HPSE2: variants seen among roughly 807,000 people sequenced by gnomAD.
The protein encoded by HPSE2 is heparanase 2 (inactive), also known as inactive heparanase-2.
A neutral mutation model predicts 60.5 loss-of-function variants in HPSE2; 38 were observed. That is an observed-to-expected ratio of 0.63 (90% CI 0.48 to 0.82). The LOEUF is 0.82. HPSE2 is among the 40% of genes least tolerant of loss of function. HPSE2 has a pLI of 0.00. For missense variants in HPSE2, 713 were observed against 740.4 expected, an observed-to-expected ratio of 0.96 and a Z score of 0.43; for synonymous variants, 295 against 293.2, an observed-to-expected ratio of 1.01 and a Z score of -0.06.
chr10:99,083,599 A>T (rs1461818931), intron 3 of HPSE2, among the ~76,000 whole-genome samples: 1 of 152,198 alleles, frequency 6.6e-6, no homozygotes, highest in African/African-American at 2.4e-5. Flanking sequence ...ATTTTATATG[A>T]CATGGTACCC....
chr10:98,959,107 C>G (rs969802810), intron 3 of HPSE2, among the ~76,000 whole-genome samples: 3 of 152,040 alleles, frequency 2.0e-5, no homozygotes, highest in East Asian at 1.9e-4. Flanking sequence ...AATATATTTA[C>G]TATTATTCCA....
In HPSE2 at chr10:98,988,918, G is replaced by C. The variant is rs1252108391; in HGVS notation, c.610+155320C>G. Among the ~76,000 whole-genome samples, 294 of 141,718 alleles carry C rather than the reference G, an allele frequency of 2.1e-3. 8 individuals are homozygous for C. Among genetic ancestry groups the C allele is most frequent in the Non-Finnish European group, 6.3e-4 (41 of 64,580 alleles). 93.0% of individuals were successfully genotyped at this position (141,718 alleles called of 152,430 possible). On this transcript the variant is annotated intron_variant, in intron 3 of 11. Coordinates refer to ENST00000370552, the MANE Select transcript of HPSE2 (RefSeq NM_021828.5). ...AAATGCTCATCATCTCTGGCCATCAGAGAAATGCAAATCAAAACCACAATG... is the reference window on the plus strand; with the variant it reads ...AAATGCTCATCATCTCTGGCCATCACAGAAATGCAAATCAAAACCACAATG...
chr10:98,746,436 A>G (rs1167014858), intron 3 of HPSE2, among the ~76,000 whole-genome samples: 1 of 151,982 alleles, frequency 6.6e-6, no homozygotes, highest in Non-Finnish European at 1.5e-5. Flanking sequence ...TCATTAATAC[A>G]TTTTATATTC....
chr10:98,778,467 C>T (rs113940819), intron 3 of HPSE2, among the ~76,000 whole-genome samples: 461 of 151,842 alleles, frequency 3.0e-3, no homozygotes, highest in Non-Finnish European at 4.8e-3. Context: ...ACAGTTAGTG[C>T]GGGATGTGAG....
intron 4 of HPSE2, among the ~76,000 whole-genome samples, chr10:98,738,590 G>A (rs1208223698): frequency 1.3e-5 from 2 of 152,022 alleles, no homozygotes; most frequent in East Asian, 1.9e-4. Context: ...GACAAAGGGC[G>A]AATATCCAGA....
At chr10:98,909,587 G>A (rs1004562137) in intron 3 of HPSE2, among the ~76,000 whole-genome samples, 10 of 150,040 alleles carry the variant, frequency 6.7e-5, no homozygotes, top group South Asian at 6.3e-4. Flanking sequence ...CCGAGATCGC[G>A]CCACTGCACC....
intron 9 of HPSE2, among the ~76,000 whole-genome samples, chr10:98,494,815 T>C (rs1031515358): frequency 2.0e-5 from 3 of 152,156 alleles, no homozygotes; most frequent in Non-Finnish European, 4.4e-5. Context: ...AAAGTAACAA[T>C]AACACTAGCT....
At chr10:99,103,286 C>T (rs1400331025) in intron 3 of HPSE2, among the ~76,000 whole-genome samples, 1 of 152,166 alleles carries the variant, frequency 6.6e-6, no homozygotes, top group Admixed American at 6.5e-5. Flanking sequence ...TCAGCAAAGT[C>T]TCAGGATACA....
the HPSE2 span, among the ~76,000 whole-genome samples, chr10:99,261,556 C>G: frequency 1.6e-4 from 25 of 152,170 alleles, no homozygotes. Flanking sequence ...TGGCAACAAC[C>G]CTTAGACACT....
the HPSE2 span, among the ~76,000 whole-genome samples, chr10:99,257,008 G>T: frequency 6.6e-6 from 1 of 152,060 alleles, no homozygotes; most frequent in Non-Finnish European, 1.5e-5. Flanking sequence ...AATTTCTTAC[G>T]CCTGTCTTTA....
At chr10:98,459,781 T>A in intron 11 of HPSE2, 42 bp from the exon 12 acceptor site, 4 of 1,575,488 alleles carry the variant, frequency 2.5e-6, no homozygotes, top group Non-Finnish European at 2.6e-6. Flanking sequence ...TATTGCATTA[T>A]AAGGGAGCCA....
At chr10:99,230,237 T>C (rs1849600474) in intron 2 of HPSE2, among the ~76,000 whole-genome samples, 1 of 152,204 alleles carries the variant, frequency 6.6e-6, no homozygotes, top group Non-Finnish European at 1.5e-5. Flanking sequence ...GAAACATTTT[T>C]TTTTAAGCTA....
the HPSE2 span, among the ~76,000 whole-genome samples, chr10:99,252,574 G>T: frequency 6.6e-6 from 1 of 151,824 alleles, no homozygotes; most frequent in African/African-American, 2.4e-5. Flanking sequence ...CTTTACAATA[G>T]CCACAAAAAA....
intron 3 of HPSE2, among the ~76,000 whole-genome samples, chr10:98,835,655 A>G (rs1391721806): frequency 6.6e-6 from 1 of 152,218 alleles, no homozygotes; most frequent in Non-Finnish European, 1.5e-5. Flanking sequence ...AATCCTGCCA[A>G]GTACAGGAAT....
the HPSE2 span, among the ~76,000 whole-genome samples, chr10:99,289,579 A>G: frequency 2.5e-4 from 38 of 152,164 alleles, no homozygotes; most frequent in Non-Finnish European, 4.4e-4. Context: ...GGGGAATATC[A>G]GTGGAGTAAA....
intron 3 of HPSE2, among the ~76,000 whole-genome samples, chr10:98,778,111 T>A (rs1950381083): frequency 1.3e-5 from 2 of 151,878 alleles, no homozygotes; most frequent in South Asian, 4.2e-4. Context: ...AAAGTTAGGG[T>A]CAGGTGTGTC....
chr10:98,936,322 T>C (rs1421538825), intron 3 of HPSE2, among the ~76,000 whole-genome samples: 1 of 143,872 alleles, frequency 7.0e-6, no homozygotes, highest in African/African-American at 2.8e-5. Context: ...TGTTCTCCTG[T>C]CTCACTAGAG....
intron 2 of HPSE2, among the ~76,000 whole-genome samples, chr10:99,212,878 T>C (rs1848995943): frequency 2.0e-5 from 3 of 152,218 alleles, no homozygotes; most frequent in African/African-American, 7.2e-5. Context: ...CAAAACATCA[T>C]ATTGTAAATA....
chr10:99,024,835 G>A (rs1026845706), intron 3 of HPSE2, among the ~76,000 whole-genome samples: 3 of 152,168 alleles, frequency 2.0e-5, no homozygotes, highest in African/African-American at 4.8e-5. Context: ...CTTGAAACAC[G>A]AAGGAGAGAT....
Sources: gnomAD v4.1 joint callset for allele counts (sites outside exome capture counted in the v4.1 genomes callset) on GRCh38, gnomAD v4.1.1 for gene constraint, MANE v1.5 for transcripts, NCBI Gene and HGNC (gene_info 2026-07-23, HGNC 2026-07-21) for gene names.